DIAPH3: variants seen among roughly 807,000 people sequenced by gnomAD.
DIAPH3 encodes the protein protein diaphanous homolog 3.
DIAPH3 carries 117 observed loss-of-function variants against 144.3 expected under a neutral mutation model. The observed-to-expected ratio is 0.81, with a 90% CI of 0.70 to 0.95. The LOEUF (loss-of-function observed/expected upper bound fraction) is 0.95. Among genes scored for constraint, DIAPH3 ranks in the 40% least tolerant of loss-of-function variants. The pLI is 0.00. For synonymous variants in DIAPH3, 519 were observed against 488.9 expected (o/e 1.06, Z -0.81); for missense variants, 1,421 against 1,412.7 (o/e 1.01, Z -0.09).
At chr13:59,922,863 T>G (rs547974690) in intron 18 of DIAPH3, among the ~76,000 whole-genome samples, 3 of 152,182 alleles carry the variant, frequency 2.0e-5, no homozygotes, top group Admixed American at 2.0e-4. Context: ...AATGTTATTC[T>G]GTTTTCTGTA....
At chr13:59,986,612 TCAAA>T (rs1251640162) in intron 12 of DIAPH3, among the ~76,000 whole-genome samples, 3 of 91,698 alleles carry the variant, frequency 3.3e-5, no homozygotes, top group Admixed American at 1.3e-4. Context: ...TACAATGAAC[TCAAA>T]CAAATTTACA....
chr13:59,755,720 C>G (rs2037222162), intron 27 of DIAPH3, among the ~76,000 whole-genome samples: 1 of 152,068 alleles, frequency 6.6e-6, no homozygotes, highest in African/African-American at 2.4e-5. Flanking sequence ...TGCCCAGACC[C>G]CATCTTAGAC....
chr13:60,029,504 G>A (rs2054628375), intron 5 of DIAPH3, among the ~76,000 whole-genome samples: 2 of 152,170 alleles, frequency 1.3e-5, no homozygotes. Context: ...TCATGGGTGT[G>A]GTTTCCCCTA....
chr13:59,894,743 G>T (rs1250916901), intron 20 of DIAPH3, among the ~76,000 whole-genome samples: 7 of 151,896 alleles, frequency 4.6e-5, no homozygotes, highest in Admixed American at 3.3e-4. Context: ...CAAATACAGT[G>T]TCAAGGAAAC....
intron 21 of DIAPH3, among the ~76,000 whole-genome samples, chr13:59,872,370 A>T (rs2044332177): frequency 6.6e-6 from 1 of 152,182 alleles, no homozygotes; most frequent in South Asian, 2.1e-4. Context: ...ACTTTACATT[A>T]AAGGACTTAA....
At chr13:59,942,961 A>T (rs934422599) in intron 17 of DIAPH3, among the ~76,000 whole-genome samples, 2 of 152,144 alleles carry the variant, frequency 1.3e-5, no homozygotes, top group East Asian at 1.9e-4. Flanking sequence ...TGAGCATTTA[A>T]GTTGTTTATA....
In DIAPH3 at chr13:59,764,775, G is replaced by C. The variant is rs1175116524; in HGVS notation, c.3319+9414C>G. On this transcript the variant is annotated intron_variant, in intron 27 of 27. Coordinates refer to ENST00000400324, the MANE Select transcript of DIAPH3 (RefSeq NM_001042517.2). ...AGAGCTAGGAGAGAGGCATGGAATA[G>C]ATTCTCCCACAGAGCTGCCAGAAGG... 2.0e-5 allele frequency among the ~76,000 whole-genome samples: 3 copies of C among 151,972 alleles called. No homozygotes were observed. In the East Asian group the frequency reaches 5.8e-4, roughly 29 times the overall value.
intron 27 of DIAPH3, among the ~76,000 whole-genome samples, chr13:59,675,530 G>A (rs1242265452): frequency 3.9e-5 from 6 of 152,064 alleles, no homozygotes; most frequent in African/African-American, 1.2e-4. Context: ...GACTATAGGC[G>A]CCCGCCACCA....
At chr13:59,767,630 G>A (rs1000580895) in intron 27 of DIAPH3, among the ~76,000 whole-genome samples, 1 of 151,894 alleles carries the variant, frequency 6.6e-6, no homozygotes, top group Non-Finnish European at 1.5e-5. Context: ...ATGGGCAAAC[G>A]ATTTAAAAAG....
rs184692044 is a variant in DIAPH3 at position 59,999,970 on chromosome 13, T to C, written c.1015-7387A>G. On this transcript the variant is annotated intron_variant, in intron 9 of 27. Coordinates refer to ENST00000400324, the MANE Select transcript of DIAPH3 (RefSeq NM_001042517.2). ...GACTCATAAGTATTATAACTGAAGC[T>C]TAATCAAATTTCTTATTTTTTAGGT... is the stretch of plus-strand genomic sequence containing the variant. 3.3e-3 allele frequency among the ~76,000 whole-genome samples: 499 copies of C among 152,342 alleles called. 2 individuals are homozygous for C. The highest frequency in any genetic ancestry group is 0.011 in the African/African-American group (459 of 41,574).
intron 24 of DIAPH3, among the ~76,000 whole-genome samples, chr13:59,826,441 A>G (rs969970216): frequency 1.3e-5 from 2 of 150,980 alleles, no homozygotes; most frequent in Non-Finnish European, 2.9e-5. Flanking sequence ...ATTGCTTCAA[A>G]GAGAATAAAA....
chr13:59,893,013 T>C (rs960135927), intron 20 of DIAPH3, among the ~76,000 whole-genome samples: 2 of 152,136 alleles, frequency 1.3e-5, no homozygotes, highest in African/African-American at 4.8e-5. Flanking sequence ...ATTTGAAGTT[T>C]GTGAACGACA....
chr13:60,082,338 G>A (rs2057588660), intron 4 of DIAPH3, among the ~76,000 whole-genome samples: 1 of 149,988 alleles, frequency 6.7e-6, no homozygotes, highest in Non-Finnish European at 1.5e-5. Flanking sequence ...CCAACATACA[G>A]ATAACAGAAT....
intron 27 of DIAPH3, among the ~76,000 whole-genome samples, chr13:59,705,834 T>A (rs1039111152): frequency 1.3e-5 from 2 of 152,172 alleles, no homozygotes; most frequent in African/African-American, 2.4e-5. Context: ...AAATCCTGTA[T>A]TTCATGGTTT....
At chr13:60,043,634 A>G (rs1185605617) in intron 4 of DIAPH3, among the ~76,000 whole-genome samples, 3 of 152,206 alleles carry the variant, frequency 2.0e-5, no homozygotes, top group Non-Finnish European at 4.4e-5. Flanking sequence ...AGTGTGAAAT[A>G]TGAATTAGAA....
intron 27 of DIAPH3, among the ~76,000 whole-genome samples, chr13:59,717,303 C>T (rs1195363902): frequency 3.3e-5 from 5 of 152,038 alleles, no homozygotes; most frequent in African/African-American, 7.2e-5. Context: ...GTACTTTTTC[C>T]GTACTTTAAG....
In DIAPH3 at chr13:59,992,107, T is replaced by G. The variant is rs1012408540; in HGVS notation, c.1205A>C (p.Glu402Ala). The change falls in exon 11 of 28, where the codon GAG (glutamate) becomes GCG (alanine). Residue 402 changes from glutamate to alanine, a missense_variant. Coordinates refer to ENST00000400324, the MANE Select transcript of DIAPH3 (RefSeq NM_001042517.2). Reference sequence around the variant, plus strand: ...AATATCTTCAAGGCGATGGGATAACTCAAACAAATCTTCTTCTTTATGCTC... The same window carrying G: ...AATATCTTCAAGGCGATGGGATAACGCAAACAAATCTTCTTCTTTATGCTC... ...FDEHKEEDLF[E>A]LSHRLEDIRA... is the part of the protein sequence containing the mutation. 2.2e-5 allele frequency: 35 copies of G among 1,611,898 alleles called. No individual in the cohort carries two copies. The highest frequency in any genetic ancestry group is 2.8e-5 in the Non-Finnish European group (33 of 1,178,780).
chr13:59,892,854 T>TA lies in DIAPH3; in HGVS notation c.2368-13387dup, dbSNP rs1395216428. On this transcript the variant is annotated intron_variant, in intron 20 of 27. Coordinates refer to ENST00000400324, the MANE Select transcript of DIAPH3 (RefSeq NM_001042517.2). ...AAAGGCAGAAATGGTCAGACTGGAT[T>TA]AAAAAGCAAAACTCAATAGACTGCC... Among the ~76,000 whole-genome samples the TA allele has an allele frequency of 3.9e-5, 6 of 152,020 alleles. No homozygotes were observed. In the South Asian group the frequency reaches 1.2e-3, roughly 32 times the overall value.
At chr13:59,870,798 G>T (rs950301147) in intron 21 of DIAPH3, among the ~76,000 whole-genome samples, 7 of 151,734 alleles carry the variant, frequency 4.6e-5, no homozygotes, top group African/African-American at 1.5e-4. Flanking sequence ...AGCCTCCCTA[G>T]TAGCTGGGAT....
Sources: allele counts gnomAD v4.1 joint callset (sites outside exome capture counted in the v4.1 genomes callset), GRCh38; gene constraint gnomAD v4.1.1; transcripts MANE v1.5; gene names NCBI Gene and HGNC (gene_info 2026-07-23, HGNC 2026-07-21).